Variants in TMEM132C observed in about 807,000 individuals in gnomAD.
The protein encoded by TMEM132C is protein phosphatase 1, regulatory subunit 152.
In TMEM132C, 29 loss-of-function variants were observed where a neutral mutation model predicts 61.4. The observed-to-expected ratio is 0.47, with a 90% CI of 0.35 to 0.64. TMEM132C has a LOEUF of 0.64. TMEM132C is among the 30% of genes least tolerant of loss of function. The pLI is 0.00. For missense variants in TMEM132C, 1,408 were observed against 1,476.9 expected (o/e 0.95, Z 0.76); for synonymous variants, 656 against 633.1 (o/e 1.04, Z -0.54).
chr12:128,513,687 G>T (rs1290260827), intron 2 of TMEM132C, among the ~76,000 whole-genome samples: 3 of 152,188 alleles, frequency 2.0e-5, no homozygotes, highest in Non-Finnish European at 4.4e-5. Context: ...AAGATGTCAG[G>T]TATAAAAATG....
chr12:128,452,461 T>G (rs112183862), intron 2 of TMEM132C, among the ~76,000 whole-genome samples: 10,229 of 149,762 alleles, frequency 0.068, 426 homozygotes, highest in Middle Eastern at 0.11. Flanking sequence ...GGCTCACACC[T>G]GTAATCCCAA....
chr12:128,546,702 G>C (rs949087936), intron 3 of TMEM132C, among the ~76,000 whole-genome samples: 5 of 152,172 alleles, frequency 3.3e-5, no homozygotes, highest in Non-Finnish European at 7.4e-5. Context: ...AGAGGAGGGC[G>C]GGTGGTGCAT....
chr12:128,512,187 G>C (rs1401791253), intron 2 of TMEM132C, among the ~76,000 whole-genome samples: 1 of 151,950 alleles, frequency 6.6e-6, no homozygotes, highest in Non-Finnish European at 1.5e-5. Flanking sequence ...GAGACGCCTT[G>C]CTTCCCTTCC....
intron 2 of TMEM132C, among the ~76,000 whole-genome samples, chr12:128,428,032 G>C (rs528014267): frequency 5.3e-5 from 8 of 152,270 alleles, no homozygotes; most frequent in African/African-American, 1.7e-4. Flanking sequence ...GCTCCTCCGG[G>C]GGCTGCTGCT....
At chr12:128,596,674 A>G (rs1875964808) in intron 3 of TMEM132C, among the ~76,000 whole-genome samples, 1 of 147,820 alleles carries the variant, frequency 6.8e-6, no homozygotes, top group Non-Finnish European at 1.5e-5. Flanking sequence ...CAGAGGCAGC[A>G]GGGCTTCACT....
At chr12:128,600,952 C>T (rs925379675) in intron 3 of TMEM132C, among the ~76,000 whole-genome samples, 10 of 152,278 alleles carry the variant, frequency 6.6e-5, no homozygotes, top group Non-Finnish European at 1.0e-4. Flanking sequence ...CCATCAATTA[C>T]GAAAATTAAC....
At chr12:128,601,410 G>A (rs952626188) in intron 3 of TMEM132C, among the ~76,000 whole-genome samples, 4 of 152,242 alleles carry the variant, frequency 2.6e-5, no homozygotes, top group African/African-American at 4.8e-5. Flanking sequence ...GATGTATCAC[G>A]AGGCGATCAC....
intron 1 of TMEM132C, among the ~76,000 whole-genome samples, chr12:128,322,604 C>T (rs551876613): frequency 2.0e-5 from 3 of 152,308 alleles, no homozygotes; most frequent in South Asian, 2.1e-4. Flanking sequence ...TTCGCACGCC[C>T]GTCACTCCTA....
intron 1 of TMEM132C, among the ~76,000 whole-genome samples, chr12:128,307,018 A>G (rs1566050644): frequency 6.6e-6 from 1 of 152,154 alleles, no homozygotes; most frequent in Admixed American, 6.5e-5. Context: ...GGAATCAAAG[A>G]GAGGAGCTAC....
chr12:128,533,240 C>G (rs1018307334), intron 2 of TMEM132C, among the ~76,000 whole-genome samples: 6 of 152,138 alleles, frequency 3.9e-5, no homozygotes, highest in African/African-American at 1.4e-4. Flanking sequence ...CCTACAGCTG[C>G]TGGTTGGTTA....
intron 2 of TMEM132C, among the ~76,000 whole-genome samples, chr12:128,501,148 C>G (rs992065760): frequency 6.6e-6 from 1 of 152,178 alleles, no homozygotes; most frequent in Non-Finnish European, 1.5e-5. Context: ...AGCTCTCCCC[C>G]ATATCTGTGG....
intron 1 of TMEM132C, among the ~76,000 whole-genome samples, chr12:128,392,209 GA>G (rs1874791374): frequency 6.6e-6 from 1 of 152,178 alleles, no homozygotes. Flanking sequence ...CTCCTGGGGG[GA>G]GGTGGGTTGT....
At chr12:128,445,642 G>A (rs895147398) in intron 2 of TMEM132C, among the ~76,000 whole-genome samples, 2 of 152,172 alleles carry the variant, frequency 1.3e-5, no homozygotes, top group African/African-American at 2.4e-5. Context: ...GGCGGCTGCC[G>A]CTGGAGACAC....
chr12:128,594,650 C>T (rs994936173), intron 3 of TMEM132C, among the ~76,000 whole-genome samples: 1 of 152,174 alleles, frequency 6.6e-6, no homozygotes, highest in Non-Finnish European at 1.5e-5. Context: ...CACAGGGAGG[C>T]TTCTGGGACT....
At chr12:128,376,065 C>A (rs929568395) in intron 1 of TMEM132C, among the ~76,000 whole-genome samples, 2 of 152,186 alleles carry the variant, frequency 1.3e-5, no homozygotes, top group African/African-American at 4.8e-5. Flanking sequence ...GTTCTGCTTT[C>A]CCGTTTTCCC....
intron 1 of TMEM132C, among the ~76,000 whole-genome samples, chr12:128,308,688 G>C (rs1400647519): frequency 6.6e-6 from 1 of 152,170 alleles, no homozygotes; most frequent in Non-Finnish European, 1.5e-5. Context: ...GGGACAACCT[G>C]TTTTTGGCCA....
intron 2 of TMEM132C, among the ~76,000 whole-genome samples, chr12:128,442,947 T>C (rs1869848034): frequency 3.3e-5 from 5 of 152,224 alleles, no homozygotes; most frequent in Admixed American, 3.3e-4. Flanking sequence ...TTAAGTGATA[T>C]TTTTGAATGA....
At chr12:128,508,300 C>G (rs769510523) in intron 2 of TMEM132C, among the ~76,000 whole-genome samples, 1 of 152,182 alleles carries the variant, frequency 6.6e-6, no homozygotes, top group Admixed American at 6.5e-5. Flanking sequence ...TCAGTTATCG[C>G]CCACTGGGTC....
chr12:128,487,037 A>G (rs951150619), intron 2 of TMEM132C, among the ~76,000 whole-genome samples: 1 of 152,204 alleles, frequency 6.6e-6, no homozygotes, highest in Admixed American at 6.5e-5. Context: ...TTACTAGCTC[A>G]GCCCATTTGA....
Sources: allele counts gnomAD v4.1 joint callset (sites outside exome capture counted in the v4.1 genomes callset), GRCh38; gene constraint gnomAD v4.1.1; transcripts MANE v1.5; gene names NCBI Gene and HGNC (gene_info 2026-07-23, HGNC 2026-07-21).